Variants in SNX31 observed in about 807,000 individuals in gnomAD.
SNX31 encodes the protein sorting nexin-31.
Under a neutral mutation model 65.4 loss-of-function variants are expected in SNX31, and 58 were observed. That is an observed-to-expected ratio of 0.89 (90% CI 0.72 to 1.10). The LOEUF is 1.10. Ranked by LOEUF, SNX31 falls within the 50% of genes least tolerant of loss-of-function variation. SNX31 has a pLI of 0.00. For missense variants in SNX31, 523 were observed against 529.7 expected, an observed-to-expected ratio of 0.99 and a Z score of 0.12; for synonymous variants, 181 against 190.1, an observed-to-expected ratio of 0.95 and a Z score of 0.39.
upstream of SNX31, among the ~76,000 whole-genome samples, chr8:100,653,578 G>A (rs1340097829): frequency 6.6e-6 from 1 of 152,246 alleles, no homozygotes; most frequent in Non-Finnish European, 1.5e-5. Flanking sequence ...AAGCTCAGGA[G>A]AACAAGGAAG....
chr8:100,641,853 C>A lies in SNX31; in HGVS notation c.142-5842G>T, dbSNP rs188721645. Among the ~76,000 whole-genome samples the A allele has an allele frequency of 3.1e-3, 461 of 149,892 alleles. 3 individuals carry two copies. Among genetic ancestry groups the A allele is most frequent in the African/African-American group, 0.011 (435 of 40,936 alleles). The stretch of plus-strand genomic sequence containing the variant: ...CAGCACTTTGGGAGGCCGAGGCGGG[C>A]GGATCACGAGGTCAGGAGATCTAGA... On this transcript the variant is annotated intron_variant, in intron 2 of 13. Coordinates refer to ENST00000311812, the MANE Select transcript of SNX31 (RefSeq NM_152628.4).
chr8:100,611,159 C>G (rs886768308), intron 7 of SNX31, among the ~76,000 whole-genome samples: 1 of 152,150 alleles, frequency 6.6e-6, no homozygotes, highest in African/African-American at 2.4e-5. Context: ...CATGTGTAAG[C>G]CCAGTACTTA....
chr8:100,617,549 C>T, intron 5 of SNX31, 71 bp downstream of exon 5: 1 of 1,066,856 alleles, frequency 9.4e-7, no homozygotes, highest in South Asian at 1.4e-5. Flanking sequence ...GTAACCGTAT[C>T]CCATTCTCTG....
rs1281488398 is a variant in SNX31 at position 100,613,592 on chromosome 8, T to G, written c.433-507A>C. 6.6e-6 allele frequency among the ~76,000 whole-genome samples: 1 copy of G among 152,248 alleles called. No homozygotes were observed. The highest frequency in any genetic ancestry group is 2.4e-5 in the African/African-American group (1 of 41,470). ...TTTGACACGCCAGGCCTGCTTCGCC[T>G]TGATGTTTCCTGCGATGGTCAACTG... On this transcript the variant is annotated intron_variant, in intron 5 of 13. Coordinates refer to ENST00000311812, the MANE Select transcript of SNX31 (RefSeq NM_152628.4). This position sits in a 1 kb window ranked among gnomAD's most constrained non-coding sequence, Gnocchi z 5.2.
intron 9 of SNX31, among the ~76,000 whole-genome samples, chr8:100,598,825 T>A (rs1210977565): frequency 2.0e-5 from 3 of 152,224 alleles, no homozygotes; most frequent in Non-Finnish European, 2.9e-5. Context: ...TGCAACTACT[T>A]ACCTCTGCCA....
At chr8:100,633,138 A>C (rs986419913) in intron 3 of SNX31, among the ~76,000 whole-genome samples, 9 of 151,888 alleles carry the variant, frequency 5.9e-5, no homozygotes, top group Admixed American at 5.9e-4. Flanking sequence ...TATATTGCCC[A>C]GGCTGGCCTT....
At chr8:100,655,138 C>T (rs1008005783) in intron 1 of SNX31, among the ~76,000 whole-genome samples, 7 of 152,082 alleles carry the variant, frequency 4.6e-5, no homozygotes, top group African/African-American at 1.4e-4. Flanking sequence ...GGAAGGGGCA[C>T]GGTGACGTCC....
chr8:100,596,863 T>C (rs770176911), intron 9 of SNX31, 21 bp from the exon 10 acceptor site: 10 of 1,610,518 alleles, frequency 6.2e-6, no homozygotes, highest in Middle Eastern at 1.9e-4. Flanking sequence ...GAGGGTGATG[T>C]GGGGGGAGGG....
Position 100,610,418 on chromosome 8 carries a change from A to G in SNX31, c.611+1582T>C, listed in dbSNP as rs1438398489. On this transcript the variant is annotated intron_variant, in intron 7 of 13. Coordinates refer to ENST00000311812, the MANE Select transcript of SNX31 (RefSeq NM_152628.4). This position sits in a 1 kb window ranked among gnomAD's most constrained non-coding sequence, Gnocchi z 4.0. ...CATCATCAATATAACAGTCACAAACATGACCAAAACTTACTGAGCATATGG... is the reference window on the plus strand; with the variant it reads ...CATCATCAATATAACAGTCACAAACGTGACCAAAACTTACTGAGCATATGG... Among the ~76,000 whole-genome samples the G allele has an allele frequency of 6.6e-6, 1 of 151,412 alleles. No homozygotes were observed. The highest frequency in any genetic ancestry group is 2.4e-5 in the African/African-American group (1 of 41,114).
At chr8:100,618,479 T>G (rs1206324543) in intron 4 of SNX31, 32 of 666,560 alleles carry the variant, frequency 4.8e-5, no homozygotes, top group Non-Finnish European at 7.1e-5. Flanking sequence ...AACAATTCAA[T>G]TCAATTATGA....
chr8:100,639,541 A>T (rs1234463665), intron 2 of SNX31, among the ~76,000 whole-genome samples: 1 of 151,578 alleles, frequency 6.6e-6, no homozygotes, highest in East Asian at 1.9e-4. Flanking sequence ...CAGTTTACAC[A>T]TAAGGGGAAG....
chr8:100,573,807 A>G lies in SNX31; in HGVS notation c.*58T>C. On this transcript the variant is annotated 3_prime_UTR_variant, in exon 14 of 14. Coordinates refer to ENST00000311812, the MANE Select transcript of SNX31 (RefSeq NM_152628.4). ...GGTAGGTAGCCCACCTGAATCCCCA[A>G]GTTCTTTCACTGTCTTGAGATAGCC... is the stretch of plus-strand genomic sequence containing the variant. 2.4e-6 allele frequency: 3 copies of G among 1,252,394 alleles called. No individual in the cohort carries two copies. Among genetic ancestry groups the G allele is most frequent in the Admixed American group, 2.5e-5 (1 of 40,502 alleles). 77.6% of individuals were successfully genotyped at this position (1,252,394 alleles called of 1,614,324 possible). A position where few individuals can be genotyped will look rare whatever the true frequency, so the allele number is the denominator to read the frequency against.
rs113842460 is a variant in SNX31 at position 100,578,974 on chromosome 8, G to A, written c.1171-1899C>T. 5.9e-5 allele frequency among the ~76,000 whole-genome samples: 9 copies of A among 151,932 alleles called. No individual in the cohort carries two copies. Among genetic ancestry groups the A allele is most frequent in the Non-Finnish European group, 1.0e-4 (7 of 67,998 alleles). The stretch of plus-strand genomic sequence containing the variant: ...TGACCTCAAGTGATCCACCTGCCTC[G>A]GCCTCCCAAAGTGCTGGGATTACAG... On this transcript the variant is annotated intron_variant, in intron 12 of 13. Transcript: ENST00000311812. This position sits in a 1 kb window ranked among gnomAD's most constrained non-coding sequence, Gnocchi z 4.7.
In SNX31 at chr8:100,608,566, G is replaced by A. The variant is rs1405545740; in HGVS notation, c.612-3C>T. 2 of 1,613,538 alleles carry A rather than the reference G, an allele frequency of 1.2e-6. No individual in the cohort carries two copies. The highest frequency in any genetic ancestry group is 2.2e-5 in the South Asian group (2 of 91,036). The stretch of plus-strand genomic sequence containing the variant: ...AGTCGAGGGATGGAGCCATATACCT[G>A]CAAAATTCAGGAGTGTGAAATTCAT... On this transcript the variant is annotated splice_polypyrimidine_tract_variant and splice_region_variant and intron_variant, in intron 7 of 13. Coordinates refer to ENST00000311812, the MANE Select transcript of SNX31 (RefSeq NM_152628.4).
rs187650442 is a variant in SNX31, at chr8:100,660,848, C to G, written c.-58+2294G>C. Reference sequence around the variant, plus strand: ...TGCTTTGAGAGGTTCTACTCAGTATCGGGTTCTGCTGGCAGACCAAGCCCT... The same window carrying G: ...TGCTTTGAGAGGTTCTACTCAGTATGGGGTTCTGCTGGCAGACCAAGCCCT... On this transcript the variant is annotated intron_variant, in intron 1 of 5. Transcript: ENST00000520352. This position sits in a 1 kb window ranked among gnomAD's most constrained non-coding sequence, Gnocchi z 4.1. Among the ~76,000 whole-genome samples, 526 of 152,302 alleles carry G rather than the reference C, an allele frequency of 3.5e-3. 1 individual carries two copies. Among genetic ancestry groups the G allele is most frequent in the Non-Finnish European group, 5.2e-3 (354 of 68,014 alleles).
At chr8:100,580,167 A>C (rs1290263381) in intron 12 of SNX31, among the ~76,000 whole-genome samples, 11 of 152,050 alleles carry the variant, frequency 7.2e-5, no homozygotes, top group East Asian at 1.9e-4. Flanking sequence ...AAAAAAAAAA[A>C]AAAAAAAAAA....
At position 100,660,095 on chromosome 8, in the gene SNX31, G is replaced by A. The variant is rs116270111; in HGVS notation, c.-58+3047C>T. ...CACTCTTTGGCTGAAAGTAAATTAT[G>A]CCAGTGAAATGATTTTGCTCAAATT... On this transcript the variant is annotated intron_variant, in intron 1 of 5. Transcript: ENST00000520352. This position sits in a 1 kb window ranked among gnomAD's most constrained non-coding sequence, Gnocchi z 4.1. 6.5e-3 allele frequency among the ~76,000 whole-genome samples: 995 copies of A among 152,274 alleles called. 13 individuals carry two copies. Among genetic ancestry groups the A allele is most frequent in the African/African-American group, 0.023 (961 of 41,574 alleles).
rs1451855652 is a variant in SNX31, at chr8:100,584,141, C to T, written c.1140G>A (p.Met380Ile). 1.2e-6 allele frequency: 2 copies of T among 1,602,528 alleles called. No homozygotes were observed. The highest frequency in any genetic ancestry group is 1.7e-6 in the Non-Finnish European group (2 of 1,175,654). ...CTGTATTCTCAGCAGCTAGCTTTAC[C>T]ATCTTTTCTGAGATCATCTTTTTCA... The part of the protein sequence containing the change: ...SCLKKMISEK[M>I]VKLAAENTEM... The change falls in exon 12 of 14, where the codon ATG becomes ATA. Residue 380 changes from methionine to isoleucine, a missense_variant. Coordinates refer to ENST00000311812, the MANE Select transcript of SNX31 (RefSeq NM_152628.4).
intron 12 of SNX31, among the ~76,000 whole-genome samples, chr8:100,581,337 C>A (rs2977867): frequency 0.4 from 49,531 of 123,900 alleles, 10,565 homozygotes; most frequent in African/African-American, 0.62. Context: ...ATCTATCTAT[C>A]TATATATATA....
Sources: allele counts gnomAD v4.1 joint callset (sites outside exome capture counted in the v4.1 genomes callset), GRCh38; gene constraint gnomAD v4.1.1; non-coding constraint Gnocchi (gnomAD v3.1); transcripts MANE v1.5; gene names NCBI Gene and HGNC (gene_info 2026-07-23, HGNC 2026-07-21).